CAMTA1: variants seen among roughly 807,000 people sequenced by gnomAD.
CAMTA1 encodes the protein calmodulin-binding transcription activator 1.
In CAMTA1, 27 loss-of-function variants were observed where a neutral mutation model predicts 170.9. The ratio of observed to expected loss-of-function variants is 0.16; its 90% confidence interval spans 0.12 to 0.22. The LOEUF is 0.22. CAMTA1 is among the 10% of genes least tolerant of loss of function. The pLI, the probability that CAMTA1 is intolerant of heterozygous loss-of-function variation, is 1.00. For missense variants in CAMTA1, 1,619 were observed against 2,217.2 expected (o/e 0.73, Z 5.42); for synonymous variants, 833 against 891.5 (o/e 0.93, Z 1.17).
At chr1:7,613,724 G>A (rs535693829) in intron 6 of CAMTA1, among the ~76,000 whole-genome samples, 13 of 151,700 alleles carry the variant, frequency 8.6e-5, no homozygotes, top group South Asian at 2.1e-4. Context: ...GAGCGATGGC[G>A]GGGGCGGGGC....
chr1:7,199,095 G>A (rs1224026213), intron 4 of CAMTA1, among the ~76,000 whole-genome samples: 3 of 152,136 alleles, frequency 2.0e-5, no homozygotes, highest in Admixed American at 6.5e-5. Flanking sequence ...AGGTTTGCGC[G>A]GCACGTGGTG....
intron 7 of CAMTA1, among the ~76,000 whole-genome samples, chr1:7,660,700 G>A (rs1294829083): frequency 2.0e-5 from 3 of 152,208 alleles, no homozygotes; most frequent in Non-Finnish European, 4.4e-5. Context: ...GAGCTGGTGG[G>A]AGAGGAGCTT....
In CAMTA1 at chr1:7,635,634, GC is replaced by G. The variant is rs1196055437; in HGVS notation, c.511-4763del. 1.3e-5 allele frequency among the ~76,000 whole-genome samples: 2 copies of G among 150,736 alleles called. No individual in the cohort carries two copies. The highest frequency in any genetic ancestry group is 4.9e-5 in the African/African-American group (2 of 40,794). On this transcript the variant is annotated intron_variant, in intron 6 of 22. Transcript: ENST00000303635. The surrounding 1 kb of genome is among the most constrained non-coding windows in gnomAD (Gnocchi z 4.4). ...AAAAAAAAAAAAAAAAAAATACAGG[GC>G]CCTGGCGGGGTCTGTCCCCTGCCGT...
At chr1:7,241,233 A>C (rs1329352371) in intron 4 of CAMTA1, among the ~76,000 whole-genome samples, 1 of 152,368 alleles carries the variant, frequency 6.6e-6, no homozygotes, top group East Asian at 1.9e-4. Context: ...AATGTAAGTT[A>C]CAAAGTGTAA....
intron 11 of CAMTA1, among the ~76,000 whole-genome samples, chr1:7,711,104 C>T (rs6678799): frequency 0.13 from 19,896 of 152,138 alleles, 1,591 homozygotes; most frequent in East Asian, 0.22. Context: ...GTTCTGGAGG[C>T]TGAAAGTCCA....
chr1:7,398,193 C>CTACATATATATATATATA (rs2089565761), intron 5 of CAMTA1, among the ~76,000 whole-genome samples: 1 of 16,892 alleles, frequency 5.9e-5, no homozygotes, highest in Non-Finnish European at 1.1e-4. Flanking sequence ...CTCTCTCTCT[C>CTACATATATATATATATA]TATATATATA....
intron 1 of CAMTA1, among the ~76,000 whole-genome samples, chr1:6,814,549 T>A (rs1176439191): frequency 2.0e-5 from 3 of 152,200 alleles, no homozygotes; most frequent in Admixed American, 2.0e-4. Flanking sequence ...GAGAACAGTC[T>A]GCCCACCAGG....
Position 7,150,178 on chromosome 1 carries a change from AC to A in CAMTA1, c.302+58810del, listed in dbSNP as rs1336131565. On this transcript the variant is annotated intron_variant, in intron 4 of 22. Coordinates refer to ENST00000303635, the MANE Select transcript of CAMTA1 (RefSeq NM_015215.4). The stretch of plus-strand genomic sequence containing the variant: ...AGGCAGGTGTGGTCAGAGTGCCTGG[AC>A]CCGCATCGCCCTTTGCCTCCCCAGC... Among the ~76,000 whole-genome samples, 4 of 152,176 alleles carry A rather than the reference AC, an allele frequency of 2.6e-5. No homozygotes were observed. The East Asian group carries it at 5.8e-4, about 22-fold the overall frequency.
chr1:7,601,154 C>T (rs1359258370), intron 6 of CAMTA1, among the ~76,000 whole-genome samples: 1 of 115,998 alleles, frequency 8.6e-6, no homozygotes, highest in African/African-American at 3.3e-5. Flanking sequence ...GCTGGCCGGG[C>T]AGGGGGCTGA....
intron 4 of CAMTA1, among the ~76,000 whole-genome samples, chr1:7,247,089 C>T (rs943137553): frequency 6.6e-6 from 1 of 152,156 alleles, no homozygotes; most frequent in Non-Finnish European, 1.5e-5. Context: ...CACACAGAGC[C>T]GAACAAGTTC....
intron 6 of CAMTA1, among the ~76,000 whole-genome samples, chr1:7,524,841 C>G (rs1023246223): frequency 1.3e-5 from 2 of 152,036 alleles, no homozygotes; most frequent in African/African-American, 4.8e-5. Flanking sequence ...GACTCGCAAT[C>G]CTGTCCTCTA....
At chr1:7,465,411 C>T (rs1316596833) in intron 5 of CAMTA1, among the ~76,000 whole-genome samples, 2 of 152,098 alleles carry the variant, frequency 1.3e-5, no homozygotes, top group Non-Finnish European at 2.9e-5. Context: ...TTGATGTGAT[C>T]CTTGCCTATT....
chr1:7,283,004 G>T (rs1002824809), intron 5 of CAMTA1, among the ~76,000 whole-genome samples: 1 of 152,040 alleles, frequency 6.6e-6, no homozygotes, highest in African/African-American at 2.4e-5. Context: ...TGATAATAGT[G>T]GGAATTTGGA....
Position 6,934,670 on chromosome 1 carries a change from C to T in CAMTA1, c.234+109460C>T, listed in dbSNP as rs1460413111. Among the ~76,000 whole-genome samples the T allele has an allele frequency of 6.6e-6, 1 of 152,146 alleles. No individual in the cohort carries two copies. Among genetic ancestry groups the T allele is most frequent in the Non-Finnish European group, 1.5e-5 (1 of 68,016 alleles). On this transcript the variant is annotated intron_variant, in intron 3 of 22. Transcript: ENST00000303635. This position sits in a 1 kb window ranked among gnomAD's most constrained non-coding sequence, Gnocchi z 4.5. Reference sequence around the variant, plus strand: ...ATCCCGGGGCAAATGCCTCCCCTCCCTTCACCACCACCCCCTCCCCTCTCT... The same window carrying T: ...ATCCCGGGGCAAATGCCTCCCCTCCTTTCACCACCACCCCCTCCCCTCTCT...
At chr1:7,691,746 G>T (rs902175060) in intron 11 of CAMTA1, among the ~76,000 whole-genome samples, 1 of 152,172 alleles carries the variant, frequency 6.6e-6, no homozygotes, top group Admixed American at 6.5e-5. Flanking sequence ...AGACAAGAGA[G>T]CGAGAGAGAG....
At chr1:7,332,687 C>T (rs1019540966) in intron 5 of CAMTA1, among the ~76,000 whole-genome samples, 6 of 152,124 alleles carry the variant, frequency 3.9e-5, no homozygotes, top group East Asian at 1.9e-4. Flanking sequence ...CGCTAATGAG[C>T]GACACAGTGT....
At chr1:6,937,338 C>T (rs1332188884) in intron 3 of CAMTA1, among the ~76,000 whole-genome samples, 2 of 151,130 alleles carry the variant, frequency 1.3e-5, no homozygotes, top group Admixed American at 6.6e-5. Flanking sequence ...CACCATTCAC[C>T]ACTTACCACC....
At chr1:7,724,788 A>G (rs952730541) in intron 11 of CAMTA1, among the ~76,000 whole-genome samples, 3 of 145,494 alleles carry the variant, frequency 2.1e-5, no homozygotes, top group Admixed American at 1.4e-4. Context: ...GCACTACTGC[A>G]CTCCAGCCTG....
Position 7,456,052 on chromosome 1 carries a change from C to T in CAMTA1, c.439-11778C>T, listed in dbSNP as rs1557744770. On this transcript the variant is annotated intron_variant, in intron 5 of 22. Transcript: ENST00000303635. The surrounding 1 kb of genome is among the most constrained non-coding windows in gnomAD (Gnocchi z 4.9). The stretch of plus-strand genomic sequence containing the variant: ...GGCCTAACAGGCTGTTGATAAGGAA[C>T]ACATCAGACCCAGAGCTACTTGCAG... Among the ~76,000 whole-genome samples, 3 of 152,272 alleles carry T rather than the reference C, an allele frequency of 2.0e-5. No homozygotes were observed. In the South Asian group the frequency reaches 6.2e-4, roughly 32 times the overall value.
Sources: allele counts gnomAD v4.1 joint callset (sites outside exome capture counted in the v4.1 genomes callset), GRCh38; gene constraint gnomAD v4.1.1; non-coding constraint Gnocchi (gnomAD v3.1); transcripts MANE v1.5; gene names NCBI Gene and HGNC (gene_info 2026-07-23, HGNC 2026-07-21).